Variants in TNKS1BP1 observed in about 807,000 individuals in gnomAD.
TNKS1BP1 encodes 182 kDa tankyrase-1-binding protein.
TNKS1BP1 carries 48 observed loss-of-function variants against 141.1 expected under a neutral mutation model. The observed-to-expected ratio is 0.34, with a 90% CI of 0.27 to 0.43. The LOEUF (loss-of-function observed/expected upper bound fraction) is 0.43. Ranked by LOEUF, TNKS1BP1 falls within the 20% of genes least tolerant of loss-of-function variation. The probability of loss-of-function intolerance (pLI) is 1.00; values close to 1 mark genes in which losing one functional copy is unlikely to be tolerated. For synonymous variants in TNKS1BP1, 875 were observed against 898.2 expected, an observed-to-expected ratio of 0.97 and a Z score of 0.46; for missense variants, 2,149 against 2,226.0, an observed-to-expected ratio of 0.97 and a Z score of 0.70.
chr11:57,317,642 G>A (rs999937886), intron 4 of TNKS1BP1, among the ~76,000 whole-genome samples, 176 bp downstream of exon 4: 18 of 152,240 alleles, frequency 1.2e-4, no homozygotes, highest in Non-Finnish European at 2.6e-4. Flanking sequence ...CCACTTTGGT[G>A]ATCAAGAGCA....
At chr11:57,322,089 A>C in intron 1 of TNKS1BP1, 139 bp from the exon 2 acceptor site, 1 of 934,194 alleles carries the variant, frequency 1.1e-6, no homozygotes, top group Non-Finnish European at 1.5e-6. Flanking sequence ...GGGGGGTAGG[A>C]GGAGGTCAAG....
chr11:57,322,755 G>T (rs1417339675), intron 1 of TNKS1BP1, among the ~76,000 whole-genome samples: 1 of 152,136 alleles, frequency 6.6e-6, no homozygotes, highest in Non-Finnish European at 1.5e-5. Flanking sequence ...GAACATCCGG[G>T]GGGTGGAGTG....
intron 2 of TNKS1BP1, among the ~76,000 whole-genome samples, chr11:57,321,104 C>T (rs918128031): frequency 6.6e-6 from 1 of 152,140 alleles, no homozygotes; most frequent in African/African-American, 2.4e-5. Context: ...CCCCCATATT[C>T]CCAATCTAGT....
Position 57,309,651 on chromosome 11 carries a change from T to C in TNKS1BP1, c.3060A>G (p.Gly1020=), listed in dbSNP as rs368235549. The stretch of plus-strand genomic sequence containing the variant: ...TGAACAAGCCCCCGGATCCTCTCTC[T>C]CCTGGCCGGCCAGCATCCCTGCTGC... The part of the protein sequence containing the change: ...GEGSRDAGRP[G]ERGSGGLFSP... Residue 1020 remains glycine (G), a synonymous_variant, in exon 6 of 12, where the codon GGA becomes GGG. Coordinates refer to ENST00000358252, the MANE Select transcript of TNKS1BP1 (RefSeq NM_033396.3). This position sits in a 1 kb window ranked among gnomAD's most constrained non-coding sequence, Gnocchi z 4.3. The C allele has an allele frequency of 3.7e-6, 6 of 1,614,152 alleles. No homozygotes were observed. The highest frequency in any genetic ancestry group is 1.1e-5 in the South Asian group (1 of 91,084).
intron 8 of TNKS1BP1, 52 bp from the exon 9 acceptor site, chr11:57,301,995 C>T (rs752849543): frequency 5.6e-6 from 9 of 1,608,414 alleles, no homozygotes; most frequent in Admixed American, 3.3e-5. Flanking sequence ...CCAGACTCCC[C>T]GAACCCATAA....
At chr11:57,317,999 C>T in intron 3 of TNKS1BP1, 112 bp from the exon 4 acceptor site, 1 of 958,978 alleles carries the variant, frequency 1.0e-6, no homozygotes, top group East Asian at 2.6e-5. Context: ...AAGGTTAAAC[C>T]CTCCTAGCCA....
Position 57,302,334 on chromosome 11 carries a change from C to T in TNKS1BP1, c.4684-110G>A. On this transcript the variant is annotated intron_variant, in intron 7 of 11. Coordinates refer to ENST00000358252, the MANE Select transcript of TNKS1BP1 (RefSeq NM_033396.3). The surrounding 1 kb of genome is among the most constrained non-coding windows in gnomAD (Gnocchi z 5.5). The stretch of plus-strand genomic sequence containing the variant: ...CCTCCTGCAGCCGGAGCTTCACGTT[C>T]ACGTGACGCACCTACAACCCGCTTT... The T allele has an allele frequency of 2.0e-6, 3 of 1,535,160 alleles. No homozygotes were observed. Among genetic ancestry groups the T allele is most frequent in the Non-Finnish European group, 2.6e-6 (3 of 1,138,980 alleles).
rs760100510 is a variant in TNKS1BP1 at position 57,301,990 on chromosome 11, C to A, written c.4835-47G>T. 13 of 1,608,684 alleles carry A rather than the reference C, an allele frequency of 8.1e-6. No individual in the cohort carries two copies. In the East Asian group the frequency reaches 2.7e-4, roughly 33 times the overall value. On this transcript the variant is annotated intron_variant, in intron 8 of 11. Transcript: ENST00000358252. Reference sequence around the variant, plus strand: ...GCTCAGAAAAGGCAGCACACCCAGACTCCCCGAACCCATAACCCCTGCAAA... The same window carrying A: ...GCTCAGAAAAGGCAGCACACCCAGAATCCCCGAACCCATAACCCCTGCAAA...
In TNKS1BP1 at chr11:57,320,626, C is replaced by T; in HGVS notation, c.181G>A (p.Val61Met). ...CGGGGAGGCCGAGGCCCAACAGGCACCAGCAGGCTGGGTTTGGCAGGCAGG... is the reference window on the plus strand; with the variant it reads ...CGGGGAGGCCGAGGCCCAACAGGCATCAGCAGGCTGGGTTTGGCAGGCAGG... ...PALPAKPSLLVPVGPRPPRGP... is the reference protein window; with the variant it reads ...PALPAKPSLLMPVGPRPPRGP... Residue 61 changes from valine (V) to methionine (M), a missense_variant, in exon 3 of 12, where the codon GTG becomes ATG. Physicochemically the swap from Val to Met is conservative, Grantham distance 21. Transcript: ENST00000358252. 1 of 1,613,466 alleles carries T rather than the reference C, an allele frequency of 6.2e-7. No individual in the cohort carries two copies. The highest frequency in any genetic ancestry group is 8.5e-7 in the Non-Finnish European group (1 of 1,179,942).
At chr11:57,308,317 C>T in intron 6 of TNKS1BP1, 78 bp downstream of exon 6, 1 of 1,509,754 alleles carries the variant, frequency 6.6e-7, no homozygotes, top group South Asian at 1.4e-5. Context: ...TGTTTCTTCC[C>T]TCCTCAGAAA....
Position 57,324,876 on chromosome 11 carries a change from C to A in TNKS1BP1, c.-102G>T. 1 of 990,150 alleles carries A rather than the reference C, an allele frequency of 1.0e-6. No individual in the cohort carries two copies. Among genetic ancestry groups the A allele is most frequent in the Non-Finnish European group, 1.2e-6 (1 of 833,870 alleles). The allele number at this position is 990,150 out of a possible 1,614,324, so 61.3% of individuals were successfully genotyped here. On this transcript the variant is annotated 5_prime_UTR_variant, in exon 1 of 12. Transcript: ENST00000358252. Reference sequence around the variant, plus strand: ...GGGTCCGGCTCCGCTCGGCTCGGGGCCCCGATGCCAGTCCCCGCCGCCGCC... The same window carrying A: ...GGGTCCGGCTCCGCTCGGCTCGGGGACCCGATGCCAGTCCCCGCCGCCGCC...
Position 57,309,783 on chromosome 11 carries a change from G to A in TNKS1BP1, c.2928C>T (p.Ser976=). 6.2e-7 allele frequency: 1 copy of A among 1,614,174 alleles called. No individual in the cohort carries two copies. Among genetic ancestry groups the A allele is most frequent in the Non-Finnish European group, 8.5e-7 (1 of 1,180,024 alleles). Residue 976 remains serine, a synonymous_variant, in exon 6 of 12, where the codon AGC becomes AGT. Coordinates refer to ENST00000358252, the MANE Select transcript of TNKS1BP1 (RefSeq NM_033396.3). The surrounding 1 kb of genome is among the most constrained non-coding windows in gnomAD (Gnocchi z 4.3). ...SSRTLDAQDR[S]FGTRPLSSGF... ...CAGAGCTCAGGGGTCTCGTTCCAAA[G>A]CTTCTGTCCTGGGCGTCAAGGGTCC...
chr11:57,303,842 G>C (rs1372679680), intron 6 of TNKS1BP1, among the ~76,000 whole-genome samples: 1 of 152,104 alleles, frequency 6.6e-6, no homozygotes, highest in African/African-American at 2.4e-5. Context: ...GTGAGCCCAG[G>C]AGTTCAAGAC....
chr11:57,321,748 A>ACCCCCCCCCCACCCC, intron 2 of TNKS1BP1, 44 bp downstream of exon 2: 1 of 670,038 alleles, frequency 1.5e-6, no homozygotes, highest in Non-Finnish European at 2.5e-6. Flanking sequence ...TGTCCTTCCC[A>ACCCCCCCCCCACCCC]CCCCCCTCCC....
chr11:57,308,758 C>T lies in TNKS1BP1; in HGVS notation c.3953G>A (p.Arg1318Lys). 6.2e-7 allele frequency: 1 copy of T among 1,614,070 alleles called. No individual in the cohort carries two copies. Among genetic ancestry groups the T allele is most frequent in the African/African-American group, 1.3e-5 (1 of 75,040 alleles). ...TGGGTCACAGGTCACCTCCAAATCCCTCAGGCCCAGATTGTTACCCCAGTC... is the reference window on the plus strand; with the variant it reads ...TGGGTCACAGGTCACCTCCAAATCCTTCAGGCCCAGATTGTTACCCCAGTC... Reference protein sequence around the residue: ...QMDWGNNLGLRDLEVTCDPDS... With the variant: ...QMDWGNNLGLKDLEVTCDPDS... The change falls in exon 6 of 12, where the codon AGG (arginine) becomes AAG (lysine). Residue 1318 changes from arginine (R) to lysine (K), a missense_variant. Arg to Lys is a conservative substitution (Grantham distance 26). Transcript: ENST00000358252.
At position 57,300,897 on chromosome 11, in the gene TNKS1BP1, C is replaced by G; in HGVS notation, c.5116G>C (p.Glu1706Gln). ...GKPLTLPPKP[E>Q]KSSGSEGSSP... The stretch of plus-strand genomic sequence containing the variant: ...TAGGTCACCTACCCTGAGGATTTCT[C>G]TGGCTTGGGAGGTAACGTGAGGGGC... Residue 1706 changes from glutamate to glutamine, a missense_variant, in exon 10 of 12, where the codon GAG becomes CAG. Coordinates refer to ENST00000358252, the MANE Select transcript of TNKS1BP1 (RefSeq NM_033396.3). 6.2e-7 allele frequency: 1 copy of G among 1,613,834 alleles called. No homozygotes were observed. Among genetic ancestry groups the G allele is most frequent in the Non-Finnish European group, 8.5e-7 (1 of 1,179,824 alleles).
chr11:57,312,336 G>A (rs1393578711), intron 5 of TNKS1BP1, among the ~76,000 whole-genome samples, 198 bp downstream of exon 5: 1 of 152,174 alleles, frequency 6.6e-6, no homozygotes, highest in East Asian at 1.9e-4. Context: ...CTGGAGCTGG[G>A]ATAGAGCCTC....
chr11:57,315,913 C>G (rs1347119268), intron 4 of TNKS1BP1, among the ~76,000 whole-genome samples: 2 of 152,040 alleles, frequency 1.3e-5, no homozygotes, highest in Non-Finnish European at 2.9e-5. Flanking sequence ...TCATTTCCAT[C>G]AGCACACAAA....
rs749826594 is a variant in TNKS1BP1, at chr11:57,300,940, C to T, written c.5073G>A (p.Lys1691=). 1.2e-6 allele frequency: 2 copies of T among 1,614,122 alleles called. No homozygotes were observed. Among genetic ancestry groups the T allele is most frequent in the Admixed American group, 3.3e-5 (2 of 60,008 alleles). The change falls in exon 10 of 12, where the codon AAG becomes AAA. Residue 1691 remains lysine (K), a synonymous_variant. Coordinates refer to ENST00000358252, the MANE Select transcript of TNKS1BP1 (RefSeq NM_033396.3). Reference sequence around the variant, plus strand: ...TGAGGGGCTTTCCCAGTCCTGGGACCTTGCAGGATTTCGAACGCTGGACCG... The same window carrying T: ...TGAGGGGCTTTCCCAGTCCTGGGACTTTGCAGGATTTCGAACGCTGGACCG... The part of the protein sequence containing the change: ...ESAVQRSKSC[K]VPGLGKPLTL...
Sources: gnomAD v4.1 joint callset for allele counts (sites outside exome capture counted in the v4.1 genomes callset) on GRCh38, gnomAD v4.1.1 for gene constraint, Gnocchi (gnomAD v3.1) non-coding constraint, MANE v1.5 for transcripts, NCBI Gene and HGNC (gene_info 2026-07-23, HGNC 2026-07-21) for gene names.